The following ITPK1 variants were observed in gnomAD, a reference collection of about 807,000 sequenced individuals.
The protein encoded by ITPK1 is inositol-tetrakisphosphate 1-kinase, also known as inositol 1,3,4-trisphosphate 5/6-kinase.
In ITPK1, 21 loss-of-function variants were observed where a neutral mutation model predicts 45.3. The observed-to-expected ratio is 0.46, with a 90% CI of 0.33 to 0.67. The LOEUF (loss-of-function observed/expected upper bound fraction) is 0.67. ITPK1 is among the 30% of genes least tolerant of loss of function. ITPK1 has a pLI of 0.02. For synonymous variants in ITPK1, 258 were observed against 253.6 expected (o/e 1.02, Z -0.16); for missense variants, 474 against 573.5 (o/e 0.83, Z 1.77).
intron 3 of ITPK1, among the ~76,000 whole-genome samples, chr14:93,039,833 A>G (rs555648728): frequency 6.6e-6 from 1 of 152,310 alleles, no homozygotes; most frequent in Admixed American, 6.5e-5. Flanking sequence ...CAGTTTCAGT[A>G]CAGGAAGTAC....
chr14:93,104,449 C>T (rs928069748), intron 2 of ITPK1, among the ~76,000 whole-genome samples: 2 of 146,340 alleles, frequency 1.4e-5, no homozygotes, highest in African/African-American at 5.3e-5. Context: ...GTGACAATAG[C>T]GAAACTCCAT....
intron 3 of ITPK1, among the ~76,000 whole-genome samples, chr14:93,018,088 G>A (rs1411287075): frequency 2.6e-5 from 4 of 152,226 alleles, no homozygotes; most frequent in East Asian, 3.9e-4. Context: ...TGTCCTCTCA[G>A]GCCACAATCA....
intron 3 of ITPK1, among the ~76,000 whole-genome samples, chr14:93,027,365 C>T (rs1888788626): frequency 1.3e-5 from 2 of 152,166 alleles, no homozygotes; most frequent in South Asian, 4.1e-4. Flanking sequence ...CAATAACTAA[C>T]ATCCATCGAG....
intron 3 of ITPK1, among the ~76,000 whole-genome samples, chr14:93,022,181 G>A (rs1888503786): frequency 1.3e-5 from 2 of 152,216 alleles, no homozygotes; most frequent in African/African-American, 4.8e-5. Context: ...ACTGGGTGCT[G>A]GAAGGCCAGG....
In ITPK1 at chr14:92,940,751, G is replaced by A. The variant is rs1283896995; in HGVS notation, c.*810C>T. ...GAGGCCCAAAGACCTGGAATGATTTGCCCAAATCACAGCACAAATCCTCAG... is the reference window on the plus strand; with the variant it reads ...GAGGCCCAAAGACCTGGAATGATTTACCCAAATCACAGCACAAATCCTCAG... On this transcript the variant is annotated 3_prime_UTR_variant, in exon 11 of 11. Transcript: ENST00000267615. The A allele has an allele frequency of 7.8e-7, 1 of 1,289,170 alleles. No homozygotes were observed. Among genetic ancestry groups the A allele is most frequent in the South Asian group, 1.2e-5 (1 of 81,008 alleles). 79.9% of individuals were successfully genotyped at this position (1,289,170 alleles called of 1,614,324 possible). A position where few individuals can be genotyped will look rare whatever the true frequency, so the allele number is the denominator to read the frequency against.
intron 4 of ITPK1, among the ~76,000 whole-genome samples, chr14:93,001,812 C>T (rs911939316): frequency 6.6e-6 from 1 of 152,224 alleles, no homozygotes; most frequent in Non-Finnish European, 1.5e-5. Context: ...CAGCCAGGCC[C>T]AGCTGAGGGC....
At chr14:93,048,333 A>C (rs925009041) in intron 3 of ITPK1, among the ~76,000 whole-genome samples, 1 of 152,258 alleles carries the variant, frequency 6.6e-6, no homozygotes, top group African/African-American at 2.4e-5. Flanking sequence ...TTCGTATAAC[A>C]AAAAACAATT....
At chr14:93,054,662 G>A (rs966753630) in intron 3 of ITPK1, among the ~76,000 whole-genome samples, 11 of 152,278 alleles carry the variant, frequency 7.2e-5, no homozygotes, top group Admixed American at 2.0e-4. Flanking sequence ...GTTCATCCTC[G>A]GAGCCTGCAT....
chr14:93,021,366 C>A (rs2139867193), intron 3 of ITPK1, among the ~76,000 whole-genome samples: 1 of 152,074 alleles, frequency 6.6e-6, no homozygotes, highest in South Asian at 2.1e-4. Flanking sequence ...GCCAGGTGGG[C>A]CGATCACTTG....
At chr14:93,085,435 T>C (rs370607581) in intron 2 of ITPK1, among the ~76,000 whole-genome samples, 1 of 152,182 alleles carries the variant, frequency 6.6e-6, no homozygotes, top group Non-Finnish European at 1.5e-5. Flanking sequence ...CACAGCAGCC[T>C]GAGTCAGTAC....
At chr14:93,023,766 G>A (rs1888586143) in intron 3 of ITPK1, among the ~76,000 whole-genome samples, 1 of 152,158 alleles carries the variant, frequency 6.6e-6, no homozygotes, top group Non-Finnish European at 1.5e-5. Flanking sequence ...TAACTTGTCA[G>A]AGCCCTTAGG....
chr14:93,115,198 A>C lies in ITPK1; in HGVS notation c.-35T>G, dbSNP rs1254174401. The C allele has an allele frequency of 6.6e-7, 1 of 1,504,130 alleles. No homozygotes were observed. Among genetic ancestry groups the C allele is most frequent in the Admixed American group, 1.8e-5 (1 of 57,130 alleles). The allele number at this position is 1,504,130 out of a possible 1,614,324, so 93.2% of individuals were successfully genotyped here. ...CGGGCGGGGAGCCTGGGTCCGGAGG[A>C]AATCGCCCACAGGCCGAGTCTGGCG... On this transcript the variant is annotated 5_prime_UTR_variant, in exon 2 of 11. Coordinates refer to ENST00000267615, the MANE Select transcript of ITPK1 (RefSeq NM_014216.6).
chr14:93,013,283 C>A (rs1398245134), intron 4 of ITPK1, among the ~76,000 whole-genome samples: 1 of 149,230 alleles, frequency 6.7e-6, no homozygotes. Context: ...CAAAAACACA[C>A]AAAAAACAAA....
At chr14:92,969,070 T>A (rs1272623848) in intron 5 of ITPK1, among the ~76,000 whole-genome samples, 1 of 151,982 alleles carries the variant, frequency 6.6e-6, no homozygotes, top group Non-Finnish European at 1.5e-5. Context: ...GCCAAAAGCA[T>A]CCCGACACAC....
In ITPK1 at chr14:92,962,475, AG is replaced by A; in HGVS notation, c.464-81del. ...AGGCAGGTACTTGGCACGTCTAGAAAGGAACTCTAGCTGAGACACAGACTCT... is the reference window on the plus strand; with the variant it reads ...AGGCAGGTACTTGGCACGTCTAGAAAGAACTCTAGCTGAGACACAGACTCT... On this transcript the variant is annotated intron_variant, in intron 6 of 10. Coordinates refer to ENST00000267615, the MANE Select transcript of ITPK1 (RefSeq NM_014216.6). 6.2e-6 allele frequency: 6 copies of A among 964,592 alleles called. No homozygotes were observed. In the South Asian group the frequency reaches 7.8e-5, roughly 13 times the overall value. The allele number at this position is 964,592 out of a possible 1,614,324, so 59.8% of individuals were successfully genotyped here.
intron 3 of ITPK1, among the ~76,000 whole-genome samples, chr14:93,052,203 ATAAT>A (rs1890044104): frequency 6.6e-6 from 1 of 152,202 alleles, no homozygotes; most frequent in Non-Finnish European, 1.5e-5. Context: ...AAAAGGTAGG[ATAAT>A]TAATTGTCCC....
At position 93,036,641 on chromosome 14, in the gene ITPK1, G is replaced by A. The variant is rs965740338; in HGVS notation, c.121-19840C>T. On this transcript the variant is annotated intron_variant, in intron 3 of 10. Coordinates refer to ENST00000267615, the MANE Select transcript of ITPK1 (RefSeq NM_014216.6). The surrounding 1 kb of genome is among the most constrained non-coding windows in gnomAD (Gnocchi z 4.1). ...CACCAGGCTCAGCACCCCAGGGGCC[G>A]GGTGAGGGCTCTCCCCCAGGAACAC... 2.0e-5 allele frequency among the ~76,000 whole-genome samples: 3 copies of A among 151,774 alleles called. No individual in the cohort carries two copies. The highest frequency in any genetic ancestry group is 6.6e-5 in the Admixed American group (1 of 15,242).
intron 3 of ITPK1, among the ~76,000 whole-genome samples, chr14:93,047,629 G>A (rs1220486711): frequency 1.3e-5 from 2 of 152,200 alleles, no homozygotes; most frequent in African/African-American, 4.8e-5. Context: ...TCCTCCCTTC[G>A]GGGCTTCAGA....
chr14:92,994,115 G>A, intron 4 of ITPK1, 118 bp from the exon 5 acceptor site: 1 of 683,278 alleles, frequency 1.5e-6, no homozygotes, highest in Non-Finnish European at 2.7e-6. Flanking sequence ...TAGCTTTGGT[G>A]GAGGGTGGTG....
Sources: gnomAD v4.1 joint callset for allele counts (sites outside exome capture counted in the v4.1 genomes callset) on GRCh38, gnomAD v4.1.1 for gene constraint, Gnocchi (gnomAD v3.1) non-coding constraint, MANE v1.5 for transcripts, NCBI Gene and HGNC (gene_info 2026-07-23, HGNC 2026-07-21) for gene names.